Variants in ADCK2 observed in about 807,000 individuals in gnomAD.
ADCK2 encodes the protein uncharacterized aarF domain-containing protein kinase 2.
ADCK2 carries 37 observed loss-of-function variants against 52.3 expected under a neutral mutation model. The observed-to-expected ratio is 0.71, with a 90% CI of 0.54 to 0.93. The LOEUF (loss-of-function observed/expected upper bound fraction) is 0.93. Ranked by LOEUF, ADCK2 falls within the 40% of genes least tolerant of loss-of-function variation. The probability of loss-of-function intolerance (pLI) is 0.00; values close to 1 mark genes in which losing one functional copy is unlikely to be tolerated. For synonymous variants in ADCK2, 321 were observed against 349.2 expected (o/e 0.92, Z 0.90); for missense variants, 695 against 798.7 (o/e 0.87, Z 1.56).
chr7:140,684,630 T>C (rs1042051751), intron 4 of ADCK2, among the ~76,000 whole-genome samples: 19 of 152,154 alleles, frequency 1.2e-4, no homozygotes, highest in Admixed American at 6.5e-5. Context: ...GATCGAGCTG[T>C]TGGTGGAGGC....
Position 140,674,363 on chromosome 7 carries a change from T to C in ADCK2, c.933+100T>C. On this transcript the variant is annotated intron_variant, in intron 1 of 7. Transcript: ENST00000072869. This position sits in a 1 kb window ranked among gnomAD's most constrained non-coding sequence, Gnocchi z 4.6. Reference sequence around the variant, plus strand: ...GCCCCCACGTTTATTTCTATTTGCCTGACCAATATCTGAGTGCTTATTTCA... The same window carrying C: ...GCCCCCACGTTTATTTCTATTTGCCCGACCAATATCTGAGTGCTTATTTCA... 7.6e-7 allele frequency: 1 copy of C among 1,319,428 alleles called. No homozygotes were observed. The highest frequency in any genetic ancestry group is 1.5e-5 in the African/African-American group (1 of 67,096). The allele number at this position is 1,319,428 out of a possible 1,614,324, so 81.7% of individuals were successfully genotyped here. A position where few individuals can be genotyped will look rare whatever the true frequency, so the allele number is the denominator to read the frequency against.
chr7:140,684,918 A>T (rs1183092297), intron 4 of ADCK2, among the ~76,000 whole-genome samples: 2 of 152,080 alleles, frequency 1.3e-5, no homozygotes, highest in Non-Finnish European at 2.9e-5. Flanking sequence ...GTCCACAGGA[A>T]CAGGGCTCCA....
chr7:140,675,876 A>ACTTAG (rs1794401273), intron 2 of ADCK2, among the ~76,000 whole-genome samples: 1 of 152,148 alleles, frequency 6.6e-6, no homozygotes, highest in South Asian at 2.1e-4. Flanking sequence ...AAGGATACAG[A>ACTTAG]CTTAGCAAAC....
chr7:140,685,411 T>C (rs1054226593), intron 4 of ADCK2, among the ~76,000 whole-genome samples: 6 of 151,504 alleles, frequency 4.0e-5, no homozygotes, highest in Non-Finnish European at 7.4e-5. Context: ...GATCGCACCA[T>C]TGTACTCTAG....
chr7:140,690,581 C>A (rs1169177263), intron 6 of ADCK2, among the ~76,000 whole-genome samples, 179 bp from the exon 7 acceptor site: 1 of 151,020 alleles, frequency 6.6e-6, no homozygotes, highest in Admixed American at 6.6e-5. Flanking sequence ...TGGAGTTGGG[C>A]TTGTGCTGGA....
Position 140,678,379 on chromosome 7 carries a change from C to G in ADCK2, c.1081-776C>G, listed in dbSNP as rs1481469199. Among the ~76,000 whole-genome samples, 1 of 152,122 alleles carries G rather than the reference C, an allele frequency of 6.6e-6. No homozygotes were observed. Among genetic ancestry groups the G allele is most frequent in the Non-Finnish European group, 1.5e-5 (1 of 68,014 alleles). ...TCCAGGTGTCATTGGATATATCACT[C>G]TGGAGACTGGCATTGAGGTCTGACC... On this transcript the variant is annotated intron_variant, in intron 2 of 7. Transcript: ENST00000072869. This position sits in a 1 kb window ranked among gnomAD's most constrained non-coding sequence, Gnocchi z 4.9.
chr7:140,676,750 G>A (rs936483908), intron 2 of ADCK2, among the ~76,000 whole-genome samples: 4 of 152,158 alleles, frequency 2.6e-5, no homozygotes, highest in Admixed American at 6.5e-5. Context: ...GGCTGGGTGC[G>A]GTGGCTCATG....
Position 140,681,028 on chromosome 7 carries a change from TG to T in ADCK2, c.1210-12del, listed in dbSNP as rs1247755132. 14 of 1,613,628 alleles carry T rather than the reference TG, an allele frequency of 8.7e-6. No individual in the cohort carries two copies. Among genetic ancestry groups the T allele is most frequent in the African/African-American group, 1.3e-5 (1 of 74,952 alleles). On this transcript the variant is annotated splice_polypyrimidine_tract_variant and intron_variant, in intron 3 of 7. Transcript: ENST00000072869. ...GGCTGGGATTAAGCTGTTCTCTCCC[TG>T]GTCTTTCTGAAGGAGAGTGTGCCTG...
chr7:140,686,468 A>T (rs1794606516), intron 4 of ADCK2, among the ~76,000 whole-genome samples: 1 of 152,156 alleles, frequency 6.6e-6, no homozygotes, highest in Non-Finnish European at 1.5e-5. Context: ...TTTGGTAGAG[A>T]CGAGGTTTCA....
At position 140,672,982 on chromosome 7, in the gene ADCK2, G is replaced by T. The variant is rs1447148033; in HGVS notation, c.-349G>T. The stretch of plus-strand genomic sequence containing the variant: ...ATCTCATACTGGCCCCTGGGCGCAC[G>T]GTGACCCTGCGGCTGCCCGGCCCCT... On this transcript the variant is annotated 5_prime_UTR_variant, in exon 1 of 8. Transcript: ENST00000072869. Among the ~76,000 whole-genome samples the T allele has an allele frequency of 4.6e-5, 7 of 151,110 alleles. No individual in the cohort carries two copies. Among genetic ancestry groups the T allele is most frequent in the Non-Finnish European group, 8.9e-5 (6 of 67,608 alleles).
chr7:140,686,469 C>G (rs745602715), intron 4 of ADCK2, among the ~76,000 whole-genome samples: 13 of 152,092 alleles, frequency 8.5e-5, no homozygotes, highest in Non-Finnish European at 1.2e-4. Context: ...TTGGTAGAGA[C>G]GAGGTTTCAC....
intron 7 of ADCK2, among the ~76,000 whole-genome samples, chr7:140,692,543 G>A (rs190107989): frequency 1.3e-5 from 2 of 152,214 alleles, no homozygotes; most frequent in Non-Finnish European, 2.9e-5. Context: ...TTTTTAGTAA[G>A]AGATAGGGTT....
Position 140,673,381 on chromosome 7 carries a change from G to GTGCTT in ADCK2, c.52_56dup (p.Glu20AlafsTer11). On this transcript the variant is annotated frameshift_variant, in exon 1 of 8. Transcript: ENST00000072869. LOFTEE classifies it high-confidence loss of function. The surrounding 1 kb of genome is among the most constrained non-coding windows in gnomAD (Gnocchi z 6.4). ...TCAGGGTTTGCCTGTCGCACCTGAG[G>GTGCTT]TGCTTCGAGCTCAGACAGGGACTCA... is the stretch of plus-strand genomic sequence containing the variant. The GTGCTT allele has an allele frequency of 1.3e-6, 2 of 1,542,264 alleles. No homozygotes were observed. The highest frequency in any genetic ancestry group is 1.7e-6 in the Non-Finnish European group (2 of 1,144,982).
In ADCK2 at chr7:140,678,712, G is replaced by T. The variant is rs1794464806; in HGVS notation, c.1081-443G>T. Among the ~76,000 whole-genome samples the T allele has an allele frequency of 6.6e-6, 1 of 152,170 alleles. No individual in the cohort carries two copies. Among genetic ancestry groups the T allele is most frequent in the South Asian group, 2.1e-4 (1 of 4,828 alleles). On this transcript the variant is annotated intron_variant, in intron 2 of 7. Transcript: ENST00000072869. The surrounding 1 kb of genome is among the most constrained non-coding windows in gnomAD (Gnocchi z 4.9). Reference sequence around the variant, plus strand: ...GTGGTTGGGGAGAGTAGCAGTGGCAGTGTCGATGCGGTGGGTGGAGAGCTG... The same window carrying T: ...GTGGTTGGGGAGAGTAGCAGTGGCATTGTCGATGCGGTGGGTGGAGAGCTG...
chr7:140,678,967 A>G lies in ADCK2; in HGVS notation c.1081-188A>G, dbSNP rs1794469615. On this transcript the variant is annotated intron_variant, in intron 2 of 7. Transcript: ENST00000072869. The surrounding 1 kb of genome is among the most constrained non-coding windows in gnomAD (Gnocchi z 4.9). ...CTGCAGCCTCCAGGAGTTCACACAGAGATCTGGGATTGCTGGGGCAGGCTG... is the reference window on the plus strand; with the variant it reads ...CTGCAGCCTCCAGGAGTTCACACAGGGATCTGGGATTGCTGGGGCAGGCTG... Among the ~76,000 whole-genome samples, 1 of 152,146 alleles carries G rather than the reference A, an allele frequency of 6.6e-6. No homozygotes were observed. The highest frequency in any genetic ancestry group is 1.5e-5 in the Non-Finnish European group (1 of 68,030).
chr7:140,687,841 C>G (rs1219653009), intron 5 of ADCK2, among the ~76,000 whole-genome samples: 2 of 147,864 alleles, frequency 1.4e-5, no homozygotes, highest in South Asian at 2.2e-4. Flanking sequence ...TTGCACTGCT[C>G]TACTGCAGCC....
At chr7:140,679,094 G>T in intron 2 of ADCK2, 61 bp from the exon 3 acceptor site, 1 of 1,586,584 alleles carries the variant, frequency 6.3e-7, no homozygotes, top group Non-Finnish European at 8.6e-7. Context: ...CCTTGGCATT[G>T]CAGATGTCAC....
At chr7:140,681,299 C>T (rs1003647108) in intron 4 of ADCK2, among the ~76,000 whole-genome samples, 162 bp downstream of exon 4, 1 of 151,744 alleles carries the variant, frequency 6.6e-6, no homozygotes, top group African/African-American at 2.4e-5. Flanking sequence ...CATAAATGGC[C>T]ATGGTGTCTG....
chr7:140,682,154 T>C (rs543011615), intron 4 of ADCK2, among the ~76,000 whole-genome samples: 40 of 152,338 alleles, frequency 2.6e-4, no homozygotes, highest in African/African-American at 9.6e-4. Flanking sequence ...ATTACAATGC[T>C]CGTGACATAC....
Sources: gnomAD v4.1 joint callset for allele counts (sites outside exome capture counted in the v4.1 genomes callset) on GRCh38, gnomAD v4.1.1 for gene constraint, Gnocchi (gnomAD v3.1) non-coding constraint, MANE v1.5 for transcripts, NCBI Gene and HGNC (gene_info 2026-07-23, HGNC 2026-07-21) for gene names.